Variants in TSHZ3 observed in about 807,000 individuals in gnomAD.
The protein encoded by TSHZ3 is teashirt zinc finger homeobox 3.
Under a neutral mutation model 64.5 loss-of-function variants are expected in TSHZ3, and 10 were observed. The observed-to-expected ratio is 0.16, with a 90% CI of 0.10 to 0.26. The LOEUF (loss-of-function observed/expected upper bound fraction) is 0.26. Among genes scored for constraint, TSHZ3 ranks in the 10% least tolerant of loss-of-function variants. The probability of loss-of-function intolerance (pLI) is 1.00; values close to 1 mark genes in which losing one functional copy is unlikely to be tolerated. For missense variants in TSHZ3, 1,242 were observed against 1,421.7 expected (o/e 0.87, Z 2.03); for synonymous variants, 608 against 593.1 (o/e 1.03, Z -0.36).
At chr19:31,324,303 A>G (rs1916869178) in intron 1 of TSHZ3, among the ~76,000 whole-genome samples, 1 of 152,272 alleles carries the variant, frequency 6.6e-6, no homozygotes, top group South Asian at 2.1e-4. Flanking sequence ...TTGACTATTC[A>G]GAATGAAATC....
chr19:31,268,942 G>A (rs368944360), intron 1 of TSHZ3, among the ~76,000 whole-genome samples: 20 of 152,058 alleles, frequency 1.3e-4, no homozygotes, highest in Middle Eastern at 3.2e-3. Flanking sequence ...CAAGCTCAGC[G>A]CCCACTAGAG....
intron 4 of TSHZ3, among the ~76,000 whole-genome samples, chr19:31,223,663 C>T (rs1975419959): frequency 1.3e-5 from 2 of 152,066 alleles, no homozygotes; most frequent in African/African-American, 4.8e-5. Flanking sequence ...TTATAAGGTT[C>T]GTGTGTCAAT....
chr19:31,162,307 A>T (rs1006299625), intron 5 of TSHZ3, among the ~76,000 whole-genome samples: 1 of 152,224 alleles, frequency 6.6e-6, no homozygotes, highest in African/African-American at 2.4e-5. Flanking sequence ...TATAATATTC[A>T]TTCAATACTT....
intron 1 of TSHZ3, among the ~76,000 whole-genome samples, chr19:31,324,520 C>G (rs1336364705): frequency 2.0e-5 from 3 of 152,258 alleles, no homozygotes; most frequent in Admixed American, 1.3e-4. Context: ...CAAGCACCTT[C>G]CAAACCCAAA....
At chr19:31,262,029 C>T (rs546529563) in intron 1 of TSHZ3, among the ~76,000 whole-genome samples, 1 of 152,190 alleles carries the variant, frequency 6.6e-6, no homozygotes, top group Non-Finnish European at 1.5e-5. Flanking sequence ...TAGCCTTAAA[C>T]ACTTCTCTAG....
chr19:31,303,007 T>C (rs1016171438), intron 1 of TSHZ3, among the ~76,000 whole-genome samples: 1 of 152,212 alleles, frequency 6.6e-6, no homozygotes, highest in Non-Finnish European at 1.5e-5. Context: ...TGCTTATCCA[T>C]AAATGCATAA....
intron 1 of TSHZ3, among the ~76,000 whole-genome samples, chr19:31,338,527 T>C (rs910854180): frequency 6.6e-6 from 1 of 152,022 alleles, no homozygotes; most frequent in Non-Finnish European, 1.5e-5. Context: ...ATTTTTTTAA[T>C]AGTTATATTG....
chr19:31,205,712 A>G (rs1190180831), intron 4 of TSHZ3, among the ~76,000 whole-genome samples: 1 of 152,240 alleles, frequency 6.6e-6, no homozygotes, highest in African/African-American at 2.4e-5. Context: ...GACTCAGCCC[A>G]AAACAGAGGC....
intron 1 of TSHZ3, among the ~76,000 whole-genome samples, chr19:31,245,310 C>A (rs1196937619): frequency 6.6e-6 from 1 of 151,840 alleles, no homozygotes; most frequent in African/African-American, 2.4e-5. Flanking sequence ...ATTGGATAGG[C>A]AAGGAACTAA....
intron 1 of TSHZ3, among the ~76,000 whole-genome samples, chr19:31,281,449 A>AG (rs1414383134): frequency 6.6e-6 from 1 of 152,148 alleles, no homozygotes; most frequent in Non-Finnish European, 1.5e-5. Context: ...AGCTGCAGGG[A>AG]GGGGGATACT....
chr19:31,186,344 C>A (rs1437470975), intron 5 of TSHZ3, among the ~76,000 whole-genome samples: 2 of 152,178 alleles, frequency 1.3e-5, no homozygotes, highest in Non-Finnish European at 2.9e-5. Flanking sequence ...GTAATAGAAT[C>A]ATGGGGGGCG....
At chr19:31,262,777 C>T (rs143216977) in intron 1 of TSHZ3, among the ~76,000 whole-genome samples, 29 of 152,220 alleles carry the variant, frequency 1.9e-4, no homozygotes, top group East Asian at 5.8e-4. Flanking sequence ...CTCCTTCTGA[C>T]GAAATTCGAG....
chr19:31,347,116 T>G (rs1381185331), intron 1 of TSHZ3, among the ~76,000 whole-genome samples: 1 of 151,910 alleles, frequency 6.6e-6, no homozygotes, highest in Non-Finnish European at 1.5e-5. Flanking sequence ...TTCCATCTCC[T>G]ATTAGTCCTG....
At position 31,200,679 on chromosome 19, in the gene TSHZ3, A is replaced by G. The variant is rs191618452; in HGVS notation, n.809+4277T>C. On this transcript the variant is annotated intron_variant and non_coding_transcript_variant, in intron 5 of 6. Transcript: ENST00000651361. ...ACTCATTAGGCATTTCCCTAAATCT[A>G]TAGAACACGCAATACCAAGAGTGAA... Among the ~76,000 whole-genome samples the G allele has an allele frequency of 6.0e-4, 91 of 152,302 alleles. No homozygotes were observed. The East Asian group carries it at 0.015, about 25-fold the overall frequency.
chr19:31,224,795 A>C (rs1305053049), intron 4 of TSHZ3, among the ~76,000 whole-genome samples: 1 of 152,254 alleles, frequency 6.6e-6, no homozygotes, highest in Non-Finnish European at 1.5e-5. Context: ...TTCTTTTATA[A>C]TATTTTCATT....
intron 4 of TSHZ3, among the ~76,000 whole-genome samples, chr19:31,226,973 C>CTTTATTTTTT: frequency 1.5e-5 from 1 of 68,154 alleles, no homozygotes; most frequent in African/African-American, 8.9e-5. Flanking sequence ...TTCTTTCTTT[C>CTTTATTTTTT]TTTCTTTTTT....
At chr19:31,186,271 G>A (rs1272187022) in intron 5 of TSHZ3, among the ~76,000 whole-genome samples, 6 of 152,118 alleles carry the variant, frequency 3.9e-5, no homozygotes, top group Non-Finnish European at 4.4e-5. Flanking sequence ...GTCCCCACCC[G>A]AATCTCATCA....
intron 6 of TSHZ3, among the ~76,000 whole-genome samples, chr19:31,152,103 T>G (rs1485071335): frequency 6.6e-6 from 1 of 151,824 alleles, no homozygotes; most frequent in Non-Finnish European, 1.5e-5. Context: ...ACTAGACAGT[T>G]CTACAGATGA....
At chr19:31,217,103 A>T (rs74543034) in intron 4 of TSHZ3, among the ~76,000 whole-genome samples, 6,026 of 152,250 alleles carry the variant, frequency 0.04, 394 homozygotes, top group African/African-American at 0.14. Context: ...CCCGCCCAGG[A>T]GGCAGCTTTT....
Sources: gnomAD v4.1 joint callset for allele counts (sites outside exome capture counted in the v4.1 genomes callset) on GRCh38, gnomAD v4.1.1 for gene constraint, MANE v1.5 for transcripts, NCBI Gene and HGNC (gene_info 2026-07-23, HGNC 2026-07-21) for gene names.